Variants in SEC24A observed in about 807,000 individuals in gnomAD.
SEC24A encodes SEC24 homolog A, COPII component, also known as protein transport protein Sec24A.
A neutral mutation model predicts 129.4 loss-of-function variants in SEC24A; 93 were observed. That is an observed-to-expected ratio of 0.72 (90% confidence interval 0.61 to 0.85). The LOEUF is 0.85. Ranked by LOEUF, SEC24A falls within the 40% of genes least tolerant of loss-of-function variation. The pLI, the probability that SEC24A is intolerant of heterozygous loss-of-function variation, is 0.00. For synonymous variants in SEC24A, 460 were observed against 467.3 expected (o/e 0.98, Z 0.20); for missense variants, 1,264 against 1,307.4 (o/e 0.97, Z 0.51).
chr5:134,663,981 C>T (rs752323779), intron 2 of SEC24A, among the ~76,000 whole-genome samples: 4 of 151,970 alleles, frequency 2.6e-5, no homozygotes, highest in Non-Finnish European at 5.9e-5. Flanking sequence ...TATGGTGGCA[C>T]GTGCCTGTAA....
intron 9 of SEC24A, 66 bp downstream of exon 9, chr5:134,682,548 A>T (rs1751312757): frequency 6.5e-6 from 5 of 771,994 alleles, no homozygotes; most frequent in Non-Finnish European, 4.4e-6. Flanking sequence ...AAAACAATAC[A>T]GCATCCTGTA....
chr5:134,689,088 CCTTTA>C (rs1304582338), intron 11 of SEC24A, among the ~76,000 whole-genome samples: 1 of 152,100 alleles, frequency 6.6e-6, no homozygotes, highest in Non-Finnish European at 1.5e-5. Flanking sequence ...TGAGGTTGGA[CCTTTA>C]CTTTATACCA....
chr5:134,696,602 C>A (rs902647577), intron 13 of SEC24A, among the ~76,000 whole-genome samples: 1 of 151,898 alleles, frequency 6.6e-6, no homozygotes, highest in Non-Finnish European at 1.5e-5. Context: ...GGGTTCATGC[C>A]ATTCTCCTGC....
chr5:134,679,666 C>G lies in SEC24A; in HGVS notation c.1319C>G (p.Pro440Arg). The G allele has an allele frequency of 6.2e-7, 1 of 1,601,620 alleles. No homozygotes were observed. Among genetic ancestry groups the G allele is most frequent in the Non-Finnish European group, 8.5e-7 (1 of 1,171,632 alleles). The change falls in exon 8 of 23, where the codon CCT becomes CGT. Residue 440 changes from proline to arginine, a missense_variant. Pro to Arg is a moderately radical substitution (Grantham distance 103). Transcript: ENST00000398844. ...CGTTCATGCAGGACGTACATCAATC[C>G]TTTCGTCAGCTTTCTTGATCAAAGG... The part of the protein sequence containing the change: ...RCRSCRTYIN[P>R]FVSFLDQRRW...
intron 20 of SEC24A, among the ~76,000 whole-genome samples, chr5:134,720,595 C>G (rs771504174): frequency 1.2e-4 from 18 of 152,070 alleles, no homozygotes; most frequent in Non-Finnish European, 2.2e-4. Context: ...ATATACTTAC[C>G]TTTTTGACCT....
intron 1 of SEC24A, among the ~76,000 whole-genome samples, chr5:134,652,330 C>T (rs1007992253): frequency 2.0e-5 from 3 of 151,884 alleles, no homozygotes; most frequent in Non-Finnish European, 4.4e-5. Flanking sequence ...TCTCTATTGC[C>T]CAGGCTGGAG....
chr5:134,721,519 TA>T (rs762046605), intron 21 of SEC24A, among the ~76,000 whole-genome samples: 7 of 137,862 alleles, frequency 5.1e-5, no homozygotes, highest in Admixed American at 3.2e-4. Flanking sequence ...GCCAAGATTG[TA>T]CCACTGCACT....
chr5:134,652,755 C>A (rs1373560750), intron 1 of SEC24A, among the ~76,000 whole-genome samples: 1 of 151,886 alleles, frequency 6.6e-6, no homozygotes, highest in Non-Finnish European at 1.5e-5. Flanking sequence ...TGCCACCATG[C>A]CTGGCTGATT....
In SEC24A at chr5:134,726,227, TA is replaced by T. The variant is rs1198938779; in HGVS notation, c.*1134del. ...TCTTGATTCAGCTAGAGAAATATTA[TA>T]GTCAAAACTATTGAGTGAATTTTGT... On this transcript the variant is annotated 3_prime_UTR_variant, in exon 23 of 23. Transcript: ENST00000398844. 2.6e-5 allele frequency: 4 copies of T among 152,588 alleles called. No homozygotes were observed. Among genetic ancestry groups the T allele is most frequent in the East Asian group, 3.8e-4 (2 of 5,200 alleles). The allele number at this position is 152,588 out of a possible 1,614,324, so 9.5% of individuals were successfully genotyped here.
chr5:134,706,336 G>A (rs945041827), intron 17 of SEC24A, among the ~76,000 whole-genome samples: 6 of 152,312 alleles, frequency 3.9e-5, no homozygotes, highest in African/African-American at 1.4e-4. Context: ...GCCAAATCAT[G>A]TGAGCCAATA....
chr5:134,709,007 AC>A, intron 18 of SEC24A, 119 bp downstream of exon 18: 1 of 930,186 alleles, frequency 1.1e-6, no homozygotes, highest in Non-Finnish European at 1.6e-6. Context: ...GGCATTTGAG[AC>A]CAGCCTGGGC....
At chr5:134,687,264 A>C (rs934728409) in intron 10 of SEC24A, among the ~76,000 whole-genome samples, 3 of 152,196 alleles carry the variant, frequency 2.0e-5, no homozygotes, top group African/African-American at 7.2e-5. Context: ...ACTAACTTTT[A>C]TACCTAACTA....
chr5:134,685,451 T>A (rs1272694660), intron 9 of SEC24A, among the ~76,000 whole-genome samples: 1 of 152,194 alleles, frequency 6.6e-6, no homozygotes, highest in African/African-American at 2.4e-5. Context: ...GGTATTATTT[T>A]AAAAATCTAG....
At chr5:134,707,598 G>T (rs1207935976) in intron 17 of SEC24A, among the ~76,000 whole-genome samples, 1 of 152,034 alleles carries the variant, frequency 6.6e-6, no homozygotes. Flanking sequence ...CAAAGTGCTG[G>T]GATTACAGGC....
At chr5:134,724,504 C>T (rs757097361) in intron 22 of SEC24A, among the ~76,000 whole-genome samples, 1 of 151,630 alleles carries the variant, frequency 6.6e-6, no homozygotes, top group Admixed American at 6.6e-5. Context: ...AGGAGAATAG[C>T]TTGAACCCAG....
intron 18 of SEC24A, among the ~76,000 whole-genome samples, chr5:134,714,450 T>C (rs542914941): frequency 6.6e-6 from 1 of 152,298 alleles, no homozygotes; most frequent in East Asian, 1.9e-4. Flanking sequence ...CCAACCATAT[T>C]GTGAACTGCG....
At chr5:134,691,455 C>G (rs1015537570) in intron 11 of SEC24A, among the ~76,000 whole-genome samples, 3 of 151,698 alleles carry the variant, frequency 2.0e-5, no homozygotes, top group Non-Finnish European at 4.4e-5. Context: ...GCACGAGCCA[C>G]CGCACCCAGC....
At chr5:134,696,968 T>C (rs1201870062) in intron 13 of SEC24A, among the ~76,000 whole-genome samples, 158 bp from the exon 14 acceptor site, 3 of 152,074 alleles carry the variant, frequency 2.0e-5, no homozygotes, top group Non-Finnish European at 2.9e-5. Flanking sequence ...TGCTTCTTAA[T>C]GAAAAATCAA....
chr5:134,665,251 A>G (rs1163637156), intron 2 of SEC24A, among the ~76,000 whole-genome samples: 1 of 150,380 alleles, frequency 6.6e-6, no homozygotes, highest in African/African-American at 2.4e-5. Flanking sequence ...GTTTGAGATC[A>G]GCCTCCAGCC....
Sources: gnomAD v4.1 joint callset for allele counts (sites outside exome capture counted in the v4.1 genomes callset) on GRCh38, gnomAD v4.1.1 for gene constraint, MANE v1.5 for transcripts, NCBI Gene and HGNC (gene_info 2026-07-23, HGNC 2026-07-21) for gene names.